TRIM22: variants seen among roughly 807,000 people sequenced by gnomAD.
TRIM22 encodes tripartite motif containing 22, also known as E3 ubiquitin-protein ligase TRIM22.
Under a neutral mutation model 53.6 loss-of-function variants are expected in TRIM22, and 45 were observed. The ratio of observed to expected loss-of-function variants is 0.84; its 90% CI spans 0.66 to 1.08. The LOEUF (loss-of-function observed/expected upper bound fraction) is 1.08, where lower values mean the gene tolerates loss of function less well. Among genes scored for constraint, TRIM22 ranks in the 50% least tolerant of loss-of-function variants. The pLI, the probability that TRIM22 is intolerant of heterozygous loss-of-function variation, is 0.00. For missense variants in TRIM22, 616 were observed against 590.9 expected (o/e 1.04, Z -0.44); for synonymous variants, 225 against 216.6 (o/e 1.04, Z -0.34).
chr11:5,691,066 G>A (rs550378334), intron 1 of TRIM22: 1 of 152,440 alleles, frequency 6.6e-6, no homozygotes, highest in East Asian at 1.9e-4. Context: ...CTCCACTTTG[G>A]TCTCTTGTCT....
chr11:5,696,938 T>TAATGATAC, intron 2 of TRIM22: 1 of 507,530 alleles, frequency 2.0e-6, no homozygotes, highest in Non-Finnish European at 3.5e-6. Context: ...ACAGTATTTT[T>TAATGATAC]GGGAACACGT....
rs1239232396 is a variant in TRIM22 at position 5,702,464 on chromosome 11, AT to A, written c.750+3920del. Among the ~76,000 whole-genome samples, 6 of 149,100 alleles carry A rather than the reference AT, an allele frequency of 4.0e-5. No individual in the cohort carries two copies. The East Asian group carries it at 1.2e-3, about 29-fold the overall frequency. ...AAATATATAAAAATATATTTTAAAA[AT>A]ATAAATAACACTATACATATATATA... On this transcript the variant is annotated intron_variant, in intron 4 of 7. Coordinates refer to ENST00000379965, the MANE Select transcript of TRIM22 (RefSeq NM_006074.5).
intron 4 of TRIM22, among the ~76,000 whole-genome samples, chr11:5,700,682 T>G (rs554722902): frequency 7.1e-6 from 1 of 141,654 alleles, no homozygotes; most frequent in Non-Finnish European, 1.5e-5. Flanking sequence ...TCACCCAGAC[T>G]GGAGTGCAGT....
At chr11:5,702,190 TTA>T (rs1853384386) in intron 4 of TRIM22, among the ~76,000 whole-genome samples, 1 of 145,402 alleles carries the variant, frequency 6.9e-6, no homozygotes, top group South Asian at 2.1e-4. Flanking sequence ...CTAATATATA[TTA>T]GTTATATATT....
At position 5,709,442 on chromosome 11, in the gene TRIM22, G is replaced by A; in HGVS notation, c.1291G>A (p.Val431Ile). 1 of 1,614,102 alleles carries A rather than the reference G, an allele frequency of 6.2e-7. No homozygotes were observed. The highest frequency in any genetic ancestry group is 8.5e-7 in the Non-Finnish European group (1 of 1,179,998). The part of the protein sequence containing the change: ...FEDSSSSDPK[V>I]LTLFMAVPPC... ...GGACTCCTCCTCTTCTGATCCCAAGGTTTTGACTCTCTTTATGGCTGTGCC... is the reference window on the plus strand; with the variant it reads ...GGACTCCTCCTCTTCTGATCCCAAGATTTTGACTCTCTTTATGGCTGTGCC... Residue 431 changes from valine to isoleucine, a missense_variant, in exon 8 of 8, where the codon GTT becomes ATT. Transcript: ENST00000379965.
At chr11:5,691,384 T>C (rs998171566) in intron 1 of TRIM22, among the ~76,000 whole-genome samples, 5 of 151,838 alleles carry the variant, frequency 3.3e-5, no homozygotes, top group African/African-American at 4.8e-5. Context: ...CAAAACAGAG[T>C]AGGGATTTTC....
intron 5 of TRIM22, among the ~76,000 whole-genome samples, chr11:5,707,598 T>A (rs1175530546): frequency 2.0e-5 from 3 of 152,138 alleles, no homozygotes; most frequent in Non-Finnish European, 2.9e-5. Flanking sequence ...TCACTTGAGG[T>A]CAGAAGTTCA....
chr11:5,692,771 G>A (rs1315701681), intron 1 of TRIM22, among the ~76,000 whole-genome samples: 3 of 143,002 alleles, frequency 2.1e-5, no homozygotes, highest in African/African-American at 7.7e-5. Flanking sequence ...ACCAGCCTGG[G>A]CAACGCAGTG....
chr11:5,708,386 G>C, intron 6 of TRIM22, 113 bp downstream of exon 6: 1 of 1,086,908 alleles, frequency 9.2e-7, no homozygotes, highest in Non-Finnish European at 1.3e-6. Context: ...GGCCAGAGAA[G>C]GAGGAAAATC....
At position 5,699,284 on chromosome 11, in the gene TRIM22, G is replaced by T. The variant is rs986833480; in HGVS notation, c.750+739G>T. The stretch of plus-strand genomic sequence containing the variant: ...TCACGCCTGTAATCCCAGCACTTTG[G>T]GAGGCCGAGGCGGGTGGATCATGAG... On this transcript the variant is annotated intron_variant, in intron 4 of 7. Coordinates refer to ENST00000379965, the MANE Select transcript of TRIM22 (RefSeq NM_006074.5). Among the ~76,000 whole-genome samples the T allele has an allele frequency of 1.4e-4, 21 of 148,544 alleles. 2 individuals carry two copies. The highest frequency in any genetic ancestry group is 5.4e-4 in the African/African-American group (21 of 38,766).
chr11:5,693,585 T>A (rs1312453168), intron 1 of TRIM22, among the ~76,000 whole-genome samples: 3 of 151,270 alleles, frequency 2.0e-5, no homozygotes, highest in African/African-American at 7.3e-5. Flanking sequence ...CACCCGGGTG[T>A]GGTGGCGGGC....
intron 4 of TRIM22, among the ~76,000 whole-genome samples, chr11:5,700,899 G>C (rs1853364260): frequency 6.6e-6 from 1 of 151,280 alleles, no homozygotes; most frequent in South Asian, 2.1e-4. Context: ...TTCCTAGTTT[G>C]CTGAGACTTT....
intron 1 of TRIM22, among the ~76,000 whole-genome samples, chr11:5,692,957 C>T (rs1261135296): frequency 4.7e-5 from 7 of 150,106 alleles, no homozygotes; most frequent in Non-Finnish European, 8.9e-5. Flanking sequence ...CTCACTGCAA[C>T]CTCCGCCTCC....
chr11:5,706,678 T>G (rs530748946), intron 5 of TRIM22, 62 bp downstream of exon 5: 18 of 1,488,934 alleles, frequency 1.2e-5, no homozygotes, highest in Non-Finnish European at 1.5e-5. Flanking sequence ...TCCTGAGAGA[T>G]ATCTTCCTTC....
At chr11:5,704,603 CATAACTTAAAAGTGATT>C (rs1218833416) in intron 4 of TRIM22, among the ~76,000 whole-genome samples, 48 of 152,286 alleles carry the variant, frequency 3.2e-4, no homozygotes, top group Middle Eastern at 3.4e-3. Context: ...TAGTGTTCTT[CATAACTTAAAAGTGATT>C]TTTTTAAAGT....
At chr11:5,708,059 G>C in intron 5 of TRIM22, 114 bp from the exon 6 acceptor site, 1 of 794,072 alleles carries the variant, frequency 1.3e-6, no homozygotes, top group Non-Finnish European at 2.1e-6. Context: ...ACTGTCCTCA[G>C]GGAAGAGGGT....
intron 6 of TRIM22, 110 bp downstream of exon 6, chr11:5,708,383 G>C: frequency 9.1e-7 from 1 of 1,099,898 alleles, no homozygotes; most frequent in South Asian, 1.4e-5. Flanking sequence ...GTGGGCCAGA[G>C]AAGGAGGAAA....
At chr11:5,697,187 T>G in intron 2 of TRIM22, 61 bp from the exon 3 acceptor site, 15 of 1,291,218 alleles carry the variant, frequency 1.2e-5, no homozygotes, top group Non-Finnish European at 1.6e-5. Context: ...TTCCTTGCTG[T>G]CCTCTATTCA....
chr11:5,696,060 C>G (rs900593547), intron 1 of TRIM22, 107 bp from the exon 2 acceptor site: 4 of 534,356 alleles, frequency 7.5e-6, no homozygotes, highest in Non-Finnish European at 1.3e-5. Flanking sequence ...CCTTTCTTTT[C>G]TCCTTTCTCT....
Sources: gnomAD v4.1 joint callset for allele counts (sites outside exome capture counted in the v4.1 genomes callset) on GRCh38, gnomAD v4.1.1 for gene constraint, MANE v1.5 for transcripts, NCBI Gene and HGNC (gene_info 2026-07-23, HGNC 2026-07-21) for gene names.